CTNNA3: variants seen among roughly 807,000 people sequenced by gnomAD.
The protein encoded by CTNNA3 is catenin alpha 3.
In CTNNA3, 76 loss-of-function variants were observed where a neutral mutation model predicts 95.7. The ratio of observed to expected loss-of-function variants is 0.79; its 90% CI spans 0.66 to 0.96. The LOEUF (loss-of-function observed/expected upper bound fraction) is 0.96, where lower values mean the gene tolerates loss of function less well. Among genes scored for constraint, CTNNA3 ranks in the 40% least tolerant of loss-of-function variants. CTNNA3 has a pLI of 0.00. For synonymous variants in CTNNA3, 431 were observed against 374.4 expected, an observed-to-expected ratio of 1.15 and a Z score of -1.74; for missense variants, 1,191 against 1,089.8, an observed-to-expected ratio of 1.09 and a Z score of -1.31.
chr10:67,001,648 A>G (rs115032434), intron 7 of CTNNA3, among the ~76,000 whole-genome samples: 201 of 152,312 alleles, frequency 1.3e-3, no homozygotes, highest in African/African-American at 4.7e-3. Context: ...TTATAAAGAA[A>G]GTTACCACAA....
intron 7 of CTNNA3, among the ~76,000 whole-genome samples, chr10:66,967,343 T>G (rs57904273): frequency 0.042 from 6,349 of 150,898 alleles, 224 homozygotes; most frequent in African/African-American, 0.089. Context: ...CATATATATA[T>G]ATAGATAGAT....
chr10:66,115,575 T>C (rs553721770), intron 13 of CTNNA3, among the ~76,000 whole-genome samples: 332 of 140,480 alleles, frequency 2.4e-3, no homozygotes, highest in African/African-American at 4.3e-3. Flanking sequence ...GATAGACAGA[T>C]AGATGATAGA....
At chr10:67,458,574 G>T (rs1276572780) in intron 5 of CTNNA3, among the ~76,000 whole-genome samples, 2 of 151,874 alleles carry the variant, frequency 1.3e-5, no homozygotes, top group Non-Finnish European at 2.9e-5. Flanking sequence ...CAGAGAAAAG[G>T]AGTCCTCTTC....
intron 7 of CTNNA3, among the ~76,000 whole-genome samples, chr10:67,059,104 A>C (rs1564861800): frequency 6.6e-6 from 1 of 152,290 alleles, no homozygotes; most frequent in East Asian, 1.9e-4. Flanking sequence ...TGAGAATCTA[A>C]TCCTTTAGTC....
chr10:65,939,095 C>T (rs1185084769), intron 17 of CTNNA3, among the ~76,000 whole-genome samples: 1 of 151,830 alleles, frequency 6.6e-6, no homozygotes, highest in East Asian at 2.0e-4. Context: ...GTAGTAGAGA[C>T]GGGGTTTCAT....
intron 13 of CTNNA3, among the ~76,000 whole-genome samples, chr10:66,173,539 C>T (rs1308359214): frequency 6.6e-6 from 1 of 151,736 alleles, no homozygotes; most frequent in African/African-American, 2.4e-5. Context: ...AAAAATTAGC[C>T]AGGCATGGTG....
chr10:66,726,743 C>T (rs12252238), intron 9 of CTNNA3, among the ~76,000 whole-genome samples: 19,410 of 152,010 alleles, frequency 0.13, 1,500 homozygotes, highest in African/African-American at 0.2. Context: ...TTAACTCATG[C>T]CGTGAACTCA....
chr10:67,173,697 A>C (rs1862113553), intron 7 of CTNNA3, among the ~76,000 whole-genome samples: 1 of 152,146 alleles, frequency 6.6e-6, no homozygotes, highest in African/African-American at 2.4e-5. Flanking sequence ...AGGATTCTTG[A>C]TTCTTACTAT....
chr10:67,293,680 C>T (rs1285034581), intron 5 of CTNNA3, among the ~76,000 whole-genome samples: 5 of 123,260 alleles, frequency 4.1e-5, no homozygotes, highest in African/African-American at 1.3e-4. Flanking sequence ...CCCCACCCCA[C>T]AACAGGCCCC....
intron 13 of CTNNA3, among the ~76,000 whole-genome samples, chr10:66,280,127 T>G (rs1253901986): frequency 3.9e-5 from 6 of 152,056 alleles, no homozygotes. Context: ...CTTTCCTTTT[T>G]GTTCAACAAA....
intron 5 of CTNNA3, among the ~76,000 whole-genome samples, chr10:67,250,156 C>T (rs564715556): frequency 6.6e-6 from 1 of 152,134 alleles, no homozygotes; most frequent in African/African-American, 2.4e-5. Flanking sequence ...AGATTTTTTT[C>T]AACCAAACAT....
At chr10:67,726,624 T>A (rs1589582359) in intron 1 of CTNNA3, among the ~76,000 whole-genome samples, 1 of 6,100 alleles carries the variant, frequency 1.6e-4, no homozygotes, top group African/African-American at 6.2e-4. Context: ...ATATAATATA[T>A]ATTATATTAT....
At chr10:66,999,238 A>G in intron 7 of CTNNA3, among the ~76,000 whole-genome samples, 1 of 152,174 alleles carries the variant, frequency 6.6e-6, no homozygotes, top group Non-Finnish European at 1.5e-5. Flanking sequence ...ATGCATTAAA[A>G]GGTATCAGTT....
At chr10:66,041,693 C>A (rs578027958) in intron 15 of CTNNA3, among the ~76,000 whole-genome samples, 5 of 152,110 alleles carry the variant, frequency 3.3e-5, no homozygotes, top group Admixed American at 3.3e-4. Flanking sequence ...CTCTCTCACT[C>A]CCCACATCAA....
At chr10:66,198,635 T>C (rs145682637) in intron 13 of CTNNA3, among the ~76,000 whole-genome samples, 2 of 152,196 alleles carry the variant, frequency 1.3e-5, no homozygotes, top group East Asian at 1.9e-4. Context: ...GAAAAACACA[T>C]CTTCCCAATA....
intron 13 of CTNNA3, among the ~76,000 whole-genome samples, chr10:66,275,844 A>T (rs1487880207): frequency 6.6e-6 from 1 of 152,148 alleles, no homozygotes; most frequent in Non-Finnish European, 1.5e-5. Context: ...ATGTTAAGGA[A>T]GAAAATGACA....
At chr10:67,151,284 C>T (rs1861080751) in intron 7 of CTNNA3, among the ~76,000 whole-genome samples, 1 of 151,776 alleles carries the variant, frequency 6.6e-6, no homozygotes, top group Non-Finnish European at 1.5e-5. Context: ...GTATGTAGAA[C>T]CACGAGAAGT....
intron 16 of CTNNA3, 124 bp from the exon 17 acceptor site, chr10:65,966,870 C>T: frequency 1.6e-6 from 1 of 614,628 alleles, no homozygotes. Flanking sequence ...TCATACAGGA[C>T]CAAGTAGCTT....
chr10:66,532,506 G>T (rs1375500875), intron 10 of CTNNA3, among the ~76,000 whole-genome samples: 2 of 151,356 alleles, frequency 1.3e-5, no homozygotes, highest in East Asian at 3.9e-4. Context: ...ATGCCTGACA[G>T]CTTGGGATTA....
Sources: allele counts gnomAD v4.1 joint callset (sites outside exome capture counted in the v4.1 genomes callset), GRCh38; gene constraint gnomAD v4.1.1; transcripts MANE v1.5; gene names NCBI Gene and HGNC (gene_info 2026-07-23, HGNC 2026-07-21).